MPHOSPH8: variants seen among roughly 807,000 people sequenced by gnomAD.
The protein encoded by MPHOSPH8 is M-phase phosphoprotein, mpp.
A neutral mutation model predicts 87.3 loss-of-function variants in MPHOSPH8; 45 were observed. The observed-to-expected ratio is 0.52, with a 90% CI of 0.41 to 0.66. MPHOSPH8 has a LOEUF of 0.66. MPHOSPH8 is among the 30% of genes least tolerant of loss of function. The probability of loss-of-function intolerance (pLI) is 0.00; values close to 1 mark genes in which losing one functional copy is unlikely to be tolerated. For synonymous variants in MPHOSPH8, 366 were observed against 376.9 expected, an observed-to-expected ratio of 0.97 and a Z score of 0.33; for missense variants, 883 against 1,020.2, an observed-to-expected ratio of 0.87 and a Z score of 1.83.
intron 7 of MPHOSPH8, 129 bp downstream of exon 7, chr13:19,659,418 C>T (rs1483375476): frequency 5.4e-6 from 4 of 739,176 alleles, no homozygotes; most frequent in African/African-American, 1.8e-5. Flanking sequence ...AATCCCAGCA[C>T]TTTGGGAGGC....
In MPHOSPH8 at chr13:19,633,743, G is replaced by A. The variant is rs751021593; in HGVS notation, c.-6G>A. 2 of 1,584,772 alleles carry A rather than the reference G, an allele frequency of 1.3e-6. No individual in the cohort carries two copies. Among genetic ancestry groups the A allele is most frequent in the African/African-American group, 1.3e-5 (1 of 74,536 alleles). On this transcript the variant is annotated 5_prime_UTR_variant, in exon 1 of 14. Transcript: ENST00000361479. The stretch of plus-strand genomic sequence containing the variant: ...GTTTTCCTCGGCGGTTTGCGGAGCT[G>A]CTAGGATGGAGCAGGTTGCGGAGGG...
intron 1 of MPHOSPH8, among the ~76,000 whole-genome samples, chr13:19,641,480 C>CTTTTTTTT (rs869295535): frequency 1.4e-5 from 1 of 72,258 alleles, no homozygotes; most frequent in Non-Finnish European, 2.4e-5. Context: ...GTGCCACCAT[C>CTTTTTTTT]TTTTTTTTTT....
intron 1 of MPHOSPH8, among the ~76,000 whole-genome samples, chr13:19,640,696 T>C (rs553933687): frequency 6.6e-6 from 1 of 151,878 alleles, no homozygotes; most frequent in South Asian, 2.1e-4. Context: ...AATGGCTAGG[T>C]TTTTTTTACC....
At chr13:19,638,031 G>A (rs1025894036) in intron 1 of MPHOSPH8, among the ~76,000 whole-genome samples, 7 of 151,544 alleles carry the variant, frequency 4.6e-5, no homozygotes, top group African/African-American at 1.5e-4. Context: ...AACCCGGGAG[G>A]TGGAGCTTGC....
chr13:19,659,657 C>G, intron 7 of MPHOSPH8: 1 of 422,034 alleles, frequency 2.4e-6, no homozygotes, highest in Non-Finnish European at 4.7e-6. Flanking sequence ...GAGCAAGACT[C>G]CCATCTCAAA....
chr13:19,666,353 T>C, intron 9 of MPHOSPH8, 72 bp from the exon 10 acceptor site: 3 of 1,436,248 alleles, frequency 2.1e-6, no homozygotes, highest in Non-Finnish European at 2.8e-6. Flanking sequence ...GCTAAGCATG[T>C]ATGGAGAAGG....
chr13:19,661,625 G>A (rs866367653), intron 7 of MPHOSPH8, 73 bp from the exon 8 acceptor site: 12 of 1,446,704 alleles, frequency 8.3e-6, no homozygotes, highest in South Asian at 1.4e-5. Flanking sequence ...GAAACATCTC[G>A]AGTGAGAAGA....
At chr13:19,668,136 G>A (rs541995182) in intron 10 of MPHOSPH8, among the ~76,000 whole-genome samples, 6 of 152,366 alleles carry the variant, frequency 3.9e-5, no homozygotes, top group East Asian at 1.9e-4. Context: ...AAAGGCTGGG[G>A]AGATGGAAAT....
chr13:19,657,761 C>T (rs1453597771), intron 5 of MPHOSPH8, among the ~76,000 whole-genome samples: 1 of 152,240 alleles, frequency 6.6e-6, no homozygotes, highest in East Asian at 1.9e-4. Flanking sequence ...GTGGTATTAT[C>T]TCAGTTCATA....
intron 5 of MPHOSPH8, among the ~76,000 whole-genome samples, chr13:19,656,296 A>AAC (rs1875168921): frequency 6.6e-6 from 1 of 151,218 alleles, no homozygotes; most frequent in Non-Finnish European, 1.5e-5. Context: ...AAAAAAAAAA[A>AAC]AAAACTGTCG....
At chr13:19,648,129 A>G (rs933442727) in intron 3 of MPHOSPH8, among the ~76,000 whole-genome samples, 73 of 152,110 alleles carry the variant, frequency 4.8e-4, no homozygotes, top group African/African-American at 1.6e-3. Flanking sequence ...GGTTAAGACT[A>G]TGGGTGGAAA....
Position 19,660,760 on chromosome 13 carries a change from C to T in MPHOSPH8, c.1792-938C>T, listed in dbSNP as rs117706003. ...TGTTTTCTAACTGGTTATTGCTTGT[C>T]GATGGTAAAGCTGTGGATGTCTTTG... On this transcript the variant is annotated intron_variant, in intron 7 of 13. Transcript: ENST00000361479. 3.9e-3 allele frequency among the ~76,000 whole-genome samples: 593 copies of T among 152,100 alleles called. 4 individuals carry two copies. The highest frequency in any genetic ancestry group is 8.1e-3 in the South Asian group (39 of 4,822).
Position 19,647,115 on chromosome 13 carries a change from G to C in MPHOSPH8, c.1042G>C (p.Glu348Gln). ...AEDTRENRKLENKNAFLEKKT... is the reference protein window; with the variant it reads ...AEDTRENRKLQNKNAFLEKKT... ...GGACACTAGAGAGAACAGGAAGCTA[G>C]AGAACAAGAACGCTTTCTTAGAGAA... Residue 348 changes from glutamate to glutamine, a missense_variant, in exon 3 of 14, where the codon GAG becomes CAG. Physicochemically the swap from Glu to Gln is conservative, Grantham distance 29. Coordinates refer to ENST00000361479, the MANE Select transcript of MPHOSPH8 (RefSeq NM_017520.4). 3.1e-6 allele frequency: 5 copies of C among 1,613,704 alleles called. No individual in the cohort carries two copies. The highest frequency in any genetic ancestry group is 4.2e-6 in the Non-Finnish European group (5 of 1,179,942).
intron 1 of MPHOSPH8, among the ~76,000 whole-genome samples, chr13:19,635,533 A>T (rs912689375): frequency 1.8e-4 from 28 of 152,204 alleles, no homozygotes; most frequent in African/African-American, 5.8e-4. Context: ...GTCTCAAAAA[A>T]AATAATAATA....
At position 19,657,244 on chromosome 13, in the gene MPHOSPH8, G is replaced by T. The variant is rs149512649; in HGVS notation, c.1577-1751G>T. On this transcript the variant is annotated intron_variant, in intron 5 of 13. Coordinates refer to ENST00000361479, the MANE Select transcript of MPHOSPH8 (RefSeq NM_017520.4). ...GAAAACAGTTTTAGGGTCCAGGCACGGTGGTTCACGCCTGTAATCCTAGCA... is the reference window on the plus strand; with the variant it reads ...GAAAACAGTTTTAGGGTCCAGGCACTGTGGTTCACGCCTGTAATCCTAGCA... Among the ~76,000 whole-genome samples the T allele has an allele frequency of 1.8e-4, 27 of 151,600 alleles. 1 individual carries two copies. The East Asian group carries it at 5.3e-3, about 30-fold the overall frequency.
intron 10 of MPHOSPH8, 150 bp from the exon 11 acceptor site, chr13:19,668,227 G>A: frequency 1.5e-6 from 1 of 645,958 alleles, no homozygotes. Context: ...TGGGTGTCAG[G>A]TGCTTGGTGG....
chr13:19,661,020 G>A, intron 7 of MPHOSPH8: 1 of 937,232 alleles, frequency 1.1e-6, no homozygotes. Context: ...ATCTACTTGA[G>A]GCTGTGGCAG....
intron 2 of MPHOSPH8, among the ~76,000 whole-genome samples, chr13:19,644,334 T>A (rs1874460885): frequency 6.6e-6 from 1 of 152,242 alleles, no homozygotes; most frequent in Non-Finnish European, 1.5e-5. Context: ...TACTCCCAGT[T>A]AATAACTATA....
At chr13:19,671,744 GA>G in intron 13 of MPHOSPH8, 89 bp from the exon 14 acceptor site, 1 of 1,166,612 alleles carries the variant, frequency 8.6e-7, no homozygotes, top group Non-Finnish European at 1.3e-6. Flanking sequence ...CCAAATAATA[GA>G]AGCAAATCTT....
Sources: allele counts gnomAD v4.1 joint callset (sites outside exome capture counted in the v4.1 genomes callset), GRCh38; gene constraint gnomAD v4.1.1; transcripts MANE v1.5; gene names NCBI Gene and HGNC (gene_info 2026-07-23, HGNC 2026-07-21).